Variants in SLC5A4 observed in about 807,000 individuals in gnomAD.
The protein encoded by SLC5A4 is solute carrier family 5 member 4, also known as probable glucose sensor protein SLC5A4.
SLC5A4 carries 55 observed loss-of-function variants against 70.3 expected under a neutral mutation model. That is an observed-to-expected ratio of 0.78 (90% CI 0.63 to 0.98). The LOEUF (loss-of-function observed/expected upper bound fraction) is 0.98, where lower values mean the gene tolerates loss of function less well. Among genes scored for constraint, SLC5A4 ranks in the 50% least tolerant of loss-of-function variants. The pLI is 0.00. For missense variants in SLC5A4, 735 were observed against 839.2 expected (o/e 0.88, Z 1.53); for synonymous variants, 268 against 305.7 (o/e 0.88, Z 1.29).
chr22:32,350,187 T>A, the SLC5A4 span, among the ~76,000 whole-genome samples: 1 of 152,118 alleles, frequency 6.6e-6, no homozygotes, highest in Non-Finnish European at 1.5e-5. Context: ...CATGTGGCCA[T>A]CAAGAGTGAC....
the SLC5A4 span, among the ~76,000 whole-genome samples, chr22:32,264,159 C>T: frequency 1.1e-4 from 16 of 150,996 alleles, no homozygotes; most frequent in Non-Finnish European, 1.9e-4. Flanking sequence ...GCATGTTCTG[C>T]ATATGTACCC....
At chr22:32,329,371 A>G in the SLC5A4 span, among the ~76,000 whole-genome samples, 13 of 152,340 alleles carry the variant, frequency 8.5e-5, 1 homozygote, top group East Asian at 2.5e-3. Context: ...CACTCAAGAA[A>G]TGTATGTCTA....
chr22:32,241,454 G>A (rs1926501949), intron 5 of SLC5A4, among the ~76,000 whole-genome samples: 1 of 152,222 alleles, frequency 6.6e-6, no homozygotes, highest in African/African-American at 2.4e-5. Context: ...GGGGATGGAA[G>A]AGAACTGCAA....
the SLC5A4 span, among the ~76,000 whole-genome samples, chr22:32,323,787 C>T: frequency 6.6e-6 from 1 of 152,238 alleles, no homozygotes; most frequent in African/African-American, 2.4e-5. Context: ...CAACGCAGAG[C>T]CAAACCCTTG....
chr22:32,319,020 G>T, the SLC5A4 span, among the ~76,000 whole-genome samples: 1 of 152,296 alleles, frequency 6.6e-6, no homozygotes, highest in African/African-American at 2.4e-5. Context: ...CTGTGCAGGT[G>T]GCCTCATCCA....
chr22:32,333,334 A>G, the SLC5A4 span, among the ~76,000 whole-genome samples: 3 of 152,026 alleles, frequency 2.0e-5, no homozygotes, highest in Non-Finnish European at 2.9e-5. Context: ...CTCCGGAAGG[A>G]GCATGACCTC....
At chr22:32,287,465 A>G in the SLC5A4 span, among the ~76,000 whole-genome samples, 1 of 151,542 alleles carries the variant, frequency 6.6e-6, no homozygotes, top group Non-Finnish European at 1.5e-5. Context: ...TCCGTTTAAA[A>G]GTGTTTATTG....
At chr22:32,305,952 T>A in the SLC5A4 span, among the ~76,000 whole-genome samples, 1 of 151,706 alleles carries the variant, frequency 6.6e-6, no homozygotes, top group Non-Finnish European at 1.5e-5. Context: ...CCACCTGCCA[T>A]TGGCATTGAG....
At position 32,239,537 on chromosome 22, in the gene SLC5A4, TA is replaced by T. The variant is rs1569374643; in HGVS notation, c.478-448del. On this transcript the variant is annotated intron_variant, in intron 5 of 14. Transcript: ENST00000266086. The stretch of plus-strand genomic sequence containing the variant: ...TGCATATTATATATATATATATATA[TA>T]TATATATATATATATATATATATAT... 5.5e-4 allele frequency among the ~76,000 whole-genome samples: 9 copies of T among 16,332 alleles called. 2 individuals are homozygous for T. Among genetic ancestry groups the T allele is most frequent in the South Asian group, 4.6e-3 (2 of 438 alleles). 10.7% of individuals were successfully genotyped at this position (16,332 alleles called of 152,430 possible).
intron 3 of SLC5A4, among the ~76,000 whole-genome samples, chr22:32,249,312 T>C (rs1927011817): frequency 1.3e-5 from 2 of 152,170 alleles, no homozygotes; most frequent in Admixed American, 1.3e-4. Context: ...GTTATTCTTA[T>C]CTTAGAGAGG....
the SLC5A4 span, among the ~76,000 whole-genome samples, chr22:32,336,236 T>C: frequency 1.3e-5 from 2 of 152,128 alleles, no homozygotes; most frequent in African/African-American, 4.8e-5. Flanking sequence ...TTACTCTTGC[T>C]GCAGCTCAGA....
At chr22:32,338,642 C>G in the SLC5A4 span, among the ~76,000 whole-genome samples, 10 of 152,206 alleles carry the variant, frequency 6.6e-5, no homozygotes, top group Admixed American at 5.9e-4. Context: ...GCACTCCAGC[C>G]TGGGCGACAG....
the SLC5A4 span, among the ~76,000 whole-genome samples, chr22:32,353,777 C>T: frequency 6.6e-6 from 1 of 151,032 alleles, no homozygotes; most frequent in Non-Finnish European, 1.5e-5. Flanking sequence ...CGGGATAGCG[C>T]CCCCAATCCG....
chr22:32,275,073 T>G, the SLC5A4 span, among the ~76,000 whole-genome samples: 1 of 152,214 alleles, frequency 6.6e-6, no homozygotes, highest in Non-Finnish European at 1.5e-5. Flanking sequence ...TTATAGCAGC[T>G]TATAACTCTA....
chr22:32,322,230 G>A, the SLC5A4 span, among the ~76,000 whole-genome samples: 420 of 152,264 alleles, frequency 2.8e-3, 8 homozygotes, highest in South Asian at 0.019. Context: ...AAAGGGAAGC[G>A]CGTCCTCACC....
In SLC5A4 at chr22:32,225,351, A is replaced by G. The variant is rs78630843; in HGVS notation, c.1449+304T>C. On this transcript the variant is annotated intron_variant, in intron 12 of 14. Coordinates refer to ENST00000266086, the MANE Select transcript of SLC5A4 (RefSeq NM_014227.3). ...AGACTCAAGCAATTTGCTTAGGATC[A>G]CAATACGATTAGGTGGTATAGCCAT... Among the ~76,000 whole-genome samples the G allele has an allele frequency of 6.6e-3, 1,004 of 152,342 alleles. 17 individuals carry two copies. The highest frequency in any genetic ancestry group is 0.02 in the African/African-American group (848 of 41,578).
intron 1 of SLC5A4, among the ~76,000 whole-genome samples, chr22:32,254,544 C>T (rs538979836): frequency 6.6e-6 from 1 of 152,304 alleles, no homozygotes; most frequent in African/African-American, 2.4e-5. Flanking sequence ...GTGGCTCACG[C>T]CTGTAATTCC....
the SLC5A4 span, among the ~76,000 whole-genome samples, chr22:32,318,925 G>A: frequency 0.69 from 104,382 of 151,972 alleles, 35,903 homozygotes; most frequent in South Asian, 0.74. Context: ...ATATTTGGTG[G>A]GATATTTTTC....
At chr22:32,238,488 A>ATACC (rs1177893170) in intron 6 of SLC5A4, among the ~76,000 whole-genome samples, 1 of 152,202 alleles carries the variant, frequency 6.6e-6, no homozygotes, top group Non-Finnish European at 1.5e-5. Flanking sequence ...GCATATCAAC[A>ATACC]TACCTGGTTC....
Sources: gnomAD v4.1 joint callset for allele counts (sites outside exome capture counted in the v4.1 genomes callset) on GRCh38, gnomAD v4.1.1 for gene constraint, MANE v1.5 for transcripts, NCBI Gene and HGNC (gene_info 2026-07-23, HGNC 2026-07-21) for gene names.